DNM2: variants seen among roughly 807,000 people sequenced by gnomAD.
The protein encoded by DNM2 is dynamin 2, also known as dynamin-2.
In DNM2, 15 loss-of-function variants were observed where a neutral mutation model predicts 99.0. The observed-to-expected ratio is 0.15, with a 90% CI of 0.10 to 0.23. The LOEUF is 0.23. DNM2 is among the 10% of genes least tolerant of loss of function. The pLI is 1.00. For missense variants in DNM2, 742 were observed against 1,189.4 expected, an observed-to-expected ratio of 0.62 and a Z score of 5.53; for synonymous variants, 525 against 481.2, an observed-to-expected ratio of 1.09 and a Z score of -1.19.
Position 10,830,175 on chromosome 19 carries a change from G to T in DNM2, c.2340G>T (p.Arg780=), listed in dbSNP as rs766944681. The change falls in exon 20 of 21, where the codon CGG becomes CGT. Residue 780 remains arginine (R), a synonymous_variant. Transcript: ENST00000389253. The surrounding 1 kb of genome is among the most constrained non-coding windows in gnomAD (Gnocchi z 4.8). The part of the protein sequence containing the change: ...RPVSSIHPPG[R]PPAVRGPTPG... ...TGTCCAGCATACACCCCCCTGGCCGGCCCCCAGCAGTGAGGGGCCCCACTC... is the reference window on the plus strand; with the variant it reads ...TGTCCAGCATACACCCCCCTGGCCGTCCCCCAGCAGTGAGGGGCCCCACTC... The T allele has an allele frequency of 9.9e-6, 16 of 1,613,534 alleles. No individual in the cohort carries two copies. The highest frequency in any genetic ancestry group is 1.3e-5 in the Non-Finnish European group (15 of 1,179,662).
chr19:10,828,014 G>C (rs1434891155), intron 18 of DNM2, among the ~76,000 whole-genome samples: 1 of 151,952 alleles, frequency 6.6e-6, no homozygotes, highest in African/African-American at 2.4e-5. Flanking sequence ...GCCGGGCGCA[G>C]TGGCTCACTC....
chr19:10,758,988 C>T (rs1193657602), intron 1 of DNM2, among the ~76,000 whole-genome samples: 3 of 152,052 alleles, frequency 2.0e-5, no homozygotes, highest in African/African-American at 7.2e-5. Context: ...ATTGCCTAAG[C>T]TGGAGTGCAG....
intron 5 of DNM2, among the ~76,000 whole-genome samples, chr19:10,780,584 C>G (rs572678292): frequency 6.6e-6 from 1 of 152,260 alleles, no homozygotes; most frequent in East Asian, 1.9e-4. Context: ...GAAGCCCTCC[C>G]ACTGGACCCT....
intron 6 of DNM2, 148 bp from the exon 7 acceptor site, chr19:10,786,416 T>G: frequency 7.9e-7 from 1 of 1,266,660 alleles, no homozygotes; most frequent in Non-Finnish European, 1.1e-6. Flanking sequence ...TGTGGCTTGA[T>G]TTATCTGTTG....
At position 10,830,612 on chromosome 19, in the gene DNM2, A is replaced by C; in HGVS notation, c.2543+234A>C. 3.3e-6 allele frequency: 2 copies of C among 612,658 alleles called. No homozygotes were observed. Among genetic ancestry groups the C allele is most frequent in the Non-Finnish European group, 2.8e-6 (1 of 353,032 alleles). 38.0% of individuals were successfully genotyped at this position (612,658 alleles called of 1,614,324 possible). A position where few individuals can be genotyped will look rare whatever the true frequency, so the allele number is the denominator to read the frequency against. On this transcript the variant is annotated intron_variant, in intron 20 of 20. Transcript: ENST00000389253. This position sits in a 1 kb window ranked among gnomAD's most constrained non-coding sequence, Gnocchi z 4.8. The stretch of plus-strand genomic sequence containing the variant: ...GGGGCTCCCAGCTTGCCCTCTGCCT[A>C]CTGGGGTGTGCCACCAGGCAGCTGG...
chr19:10,824,906 C>G (rs2073092810), intron 17 of DNM2, 151 bp from the exon 18 acceptor site: 2 of 1,264,348 alleles, frequency 1.6e-6, no homozygotes, highest in East Asian at 4.7e-5. Flanking sequence ...AGCTCTGGCC[C>G]AGGGCAAGCA....
chr19:10,817,752 T>A lies in DNM2; in HGVS notation c.1672-2228T>A, dbSNP rs1199842601. 8.9e-6 allele frequency among the ~76,000 whole-genome samples: 1 copy of A among 112,604 alleles called. No individual in the cohort carries two copies. The highest frequency in any genetic ancestry group is 1.8e-5 in the Non-Finnish European group (1 of 56,876). The allele number at this position is 112,604 out of a possible 152,430, so 73.9% of individuals were successfully genotyped here. A position where few individuals can be genotyped will look rare whatever the true frequency, so the allele number is the denominator to read the frequency against. ...TCGTGGCTTCTGGGCTCAGGAGGAA[T>A]GTCTGACTCTTTGGGGGTCGGGGGT... On this transcript the variant is annotated intron_variant, in intron 15 of 20. Coordinates refer to ENST00000389253, the MANE Select transcript of DNM2 (RefSeq NM_001005361.3). This position sits in a 1 kb window ranked among gnomAD's most constrained non-coding sequence, Gnocchi z 4.6.
chr19:10,767,873 T>G (rs1257168615), intron 2 of DNM2, among the ~76,000 whole-genome samples: 1 of 152,084 alleles, frequency 6.6e-6, no homozygotes, highest in African/African-American at 2.4e-5. Flanking sequence ...ACTACTGCAC[T>G]CCAGCCTGGG....
At chr19:10,791,888 G>C (rs2071765849) in intron 7 of DNM2, among the ~76,000 whole-genome samples, 2 of 152,180 alleles carry the variant, frequency 1.3e-5, no homozygotes, top group African/African-American at 4.8e-5. Flanking sequence ...GAGATTGAGA[G>C]ACCAGCCTGG....
At chr19:10,799,452 C>G (rs1050410489) in intron 11 of DNM2, among the ~76,000 whole-genome samples, 1 of 150,544 alleles carries the variant, frequency 6.6e-6, no homozygotes, top group African/African-American at 2.4e-5. Context: ...AAGCAATCTT[C>G]CAGGGAATGG....
Position 10,746,569 on chromosome 19 carries a change from A to G in DNM2, c.162-13169A>G, listed in dbSNP as rs1223680617. Among the ~76,000 whole-genome samples the G allele has an allele frequency of 2.0e-5, 3 of 151,742 alleles. No individual in the cohort carries two copies. In the East Asian group the frequency reaches 5.8e-4, roughly 30 times the overall value. ...CTCCCGAGTAGCTGAGATTACAGGCATGCACCACACCTGGCTAATTTTGTA... is the reference window on the plus strand; with the variant it reads ...CTCCCGAGTAGCTGAGATTACAGGCGTGCACCACACCTGGCTAATTTTGTA... On this transcript the variant is annotated intron_variant, in intron 1 of 20. Coordinates refer to ENST00000389253, the MANE Select transcript of DNM2 (RefSeq NM_001005361.3).
chr19:10,780,003 A>AGC (rs1340097380), intron 5 of DNM2, among the ~76,000 whole-genome samples: 2 of 151,928 alleles, frequency 1.3e-5, no homozygotes, highest in East Asian at 1.9e-4. Context: ...ATCTACTCTA[A>AGC]GCTGCGGGCA....
intron 16 of DNM2, 196 bp from the exon 17 acceptor site, chr19:10,823,592 C>T: frequency 1.7e-6 from 1 of 586,318 alleles, no homozygotes; most frequent in Non-Finnish European, 3.1e-6. Flanking sequence ...GAAACTCAGA[C>T]ACTTGCCGAG....
At chr19:10,726,254 TCTTA>T (rs548221099) in intron 1 of DNM2, among the ~76,000 whole-genome samples, 148 of 150,384 alleles carry the variant, frequency 9.8e-4, no homozygotes, top group African/African-American at 3.5e-3. Context: ...AGAGACAGGG[TCTTA>T]CTTTGTTGCT....
chr19:10,790,855 A>G (rs1180684192), intron 7 of DNM2, among the ~76,000 whole-genome samples: 1 of 150,784 alleles, frequency 6.6e-6, no homozygotes, highest in East Asian at 2.0e-4. Flanking sequence ...CAGCCTCACC[A>G]CTTGGGCTCA....
chr19:10,796,922 C>T lies in DNM2; in HGVS notation c.1197-458C>T, dbSNP rs1389334941. Among the ~76,000 whole-genome samples, 1 of 152,132 alleles carries T rather than the reference C, an allele frequency of 6.6e-6. No homozygotes were observed. The highest frequency in any genetic ancestry group is 1.5e-5 in the Non-Finnish European group (1 of 68,008). ...CCTCCCAGTGGGCAGTCTGTGCTTG[C>T]GCGACCACAGTGTCCCCAGCGCTCC... On this transcript the variant is annotated intron_variant, in intron 9 of 20. Coordinates refer to ENST00000389253, the MANE Select transcript of DNM2 (RefSeq NM_001005361.3). The surrounding 1 kb of genome is among the most constrained non-coding windows in gnomAD (Gnocchi z 5.6).
chr19:10,793,401 C>T (rs2071821390), intron 7 of DNM2, among the ~76,000 whole-genome samples: 2 of 152,146 alleles, frequency 1.3e-5, no homozygotes, highest in South Asian at 4.1e-4. Context: ...TCCTGTAAAT[C>T]AAGTTGAGCT....
chr19:10,785,194 T>G (rs1011502188), intron 6 of DNM2, among the ~76,000 whole-genome samples: 2 of 152,096 alleles, frequency 1.3e-5, no homozygotes, highest in Non-Finnish European at 2.9e-5. Flanking sequence ...CTCGGCTCAC[T>G]GTAAGCTCCG....
Position 10,754,764 on chromosome 19 carries a change from T to C in DNM2, c.162-4974T>C, listed in dbSNP as rs2070325568. 2.7e-5 allele frequency among the ~76,000 whole-genome samples: 4 copies of C among 149,768 alleles called. No individual in the cohort carries two copies. The South Asian group carries it at 8.4e-4, about 31-fold the overall frequency. ...GCCACCATCCGCAGTGAATTACTTT[T>C]TACTTTTTGTAGAGACAGGGGCTCG... On this transcript the variant is annotated intron_variant, in intron 1 of 20. Transcript: ENST00000389253.
Sources: allele counts gnomAD v4.1 joint callset (sites outside exome capture counted in the v4.1 genomes callset), GRCh38; gene constraint gnomAD v4.1.1; non-coding constraint Gnocchi (gnomAD v3.1); transcripts MANE v1.5; gene names NCBI Gene and HGNC (gene_info 2026-07-23, HGNC 2026-07-21).